Variants in KANK4 observed in about 807,000 individuals in gnomAD.
KANK4 encodes the protein KN motif and ankyrin repeat domains 4.
Under a neutral mutation model 80.8 loss-of-function variants are expected in KANK4, and 50 were observed. That is an observed-to-expected ratio of 0.62 (90% CI 0.49 to 0.78). The LOEUF (loss-of-function observed/expected upper bound fraction) is 0.78, where lower values mean the gene tolerates loss of function less well. Among genes scored for constraint, KANK4 ranks in the 30% least tolerant of loss-of-function variants. The probability of loss-of-function intolerance (pLI) is 0.00; values close to 1 mark genes in which losing one functional copy is unlikely to be tolerated. For synonymous variants in KANK4, 465 were observed against 506.9 expected (o/e 0.92, Z 1.11); for missense variants, 1,196 against 1,240.1 (o/e 0.96, Z 0.53).
intron 2 of KANK4, among the ~76,000 whole-genome samples, chr1:62,279,202 A>G (rs1354206302): frequency 0.028 from 791 of 28,608 alleles, 7 homozygotes; most frequent in African/African-American, 0.066. Flanking sequence ...GCGCGCGCAC[A>G]CACACACACA....
chr1:62,317,745 AGCACTGGAGAATTCTCTATTTATGTG>A (rs1293806556), intron 1 of KANK4, among the ~76,000 whole-genome samples: 1 of 152,210 alleles, frequency 6.6e-6, no homozygotes, highest in Non-Finnish European at 1.5e-5. Flanking sequence ...CAAAGAACTC[AGCACTGGAGAATTCTCTATTTATGTG>A]AGTGATTTAA....
chr1:62,313,299 T>C (rs1474039344), intron 1 of KANK4, among the ~76,000 whole-genome samples: 1 of 152,150 alleles, frequency 6.6e-6, no homozygotes, highest in East Asian at 1.9e-4. Flanking sequence ...GAGGTACTAC[T>C]GTACTGCATT....
intron 1 of KANK4, among the ~76,000 whole-genome samples, chr1:62,286,525 C>T (rs1201993081): frequency 6.6e-6 from 1 of 152,186 alleles, no homozygotes; most frequent in Non-Finnish European, 1.5e-5. Flanking sequence ...CCATCGCTTC[C>T]GAGGAACACA....
At chr1:62,305,495 G>A (rs1214435778) in intron 1 of KANK4, among the ~76,000 whole-genome samples, 1 of 152,088 alleles carries the variant, frequency 6.6e-6, no homozygotes, top group Non-Finnish European at 1.5e-5. Context: ...ATTTTTAGTA[G>A]AGATGGGGTT....
chr1:62,242,838 T>C (rs935246640), intron 9 of KANK4, among the ~76,000 whole-genome samples: 13 of 152,192 alleles, frequency 8.5e-5, no homozygotes, highest in African/African-American at 2.4e-4. Flanking sequence ...AGGGCCAGAC[T>C]TTCCCTCTAA....
chr1:62,284,677 A>G (rs1672523368), intron 1 of KANK4, among the ~76,000 whole-genome samples: 1 of 152,112 alleles, frequency 6.6e-6, no homozygotes, highest in Non-Finnish European at 1.5e-5. Context: ...GAACCTTTAA[A>G]TACCTGGTGT....
intron 2 of KANK4, 94 bp downstream of exon 2, chr1:62,281,455 G>A: frequency 6.9e-7 from 1 of 1,455,436 alleles, no homozygotes; most frequent in Non-Finnish European, 9.7e-7. Context: ...TCTCCTGCAG[G>A]CCTTTCCTAG....
intron 1 of KANK4, among the ~76,000 whole-genome samples, chr1:62,290,591 C>A (rs1672658776): frequency 6.6e-6 from 1 of 152,176 alleles, no homozygotes; most frequent in African/African-American, 2.4e-5. Flanking sequence ...TTAAAACCCA[C>A]AATGTGAAGC....
chr1:62,273,502 C>T lies in KANK4; in HGVS notation c.1602G>A (p.Gly534=). 1 of 1,613,936 alleles carries T rather than the reference C, an allele frequency of 6.2e-7. No homozygotes were observed. Among genetic ancestry groups the T allele is most frequent in the Non-Finnish European group, 8.5e-7 (1 of 1,179,872 alleles). The change falls in exon 3 of 10, where the codon GGG becomes GGA. Residue 534 remains glycine (G), a synonymous_variant. Transcript: ENST00000371153. ...WGSDRKTPPA[G]REETSSNLPG... is the part of the protein sequence containing the mutation. The stretch of plus-strand genomic sequence containing the variant: ...GGAGATTGGAACTGGTCTCCTCCCT[C>T]CCTGCTGGGGGAGTCTTTCTGTCGC...
intron 1 of KANK4, among the ~76,000 whole-genome samples, chr1:62,310,679 C>T (rs1000308234): frequency 1.3e-5 from 2 of 152,122 alleles, no homozygotes; most frequent in East Asian, 1.9e-4. Context: ...GAGCCAGGTA[C>T]TATGATGAGT....
rs1299065391 is a variant in KANK4 at position 62,271,584 on chromosome 1, A to G, written c.1906T>C (p.Ser636Pro). ...ASSSSPPVEISPSTSLKSIMK... is the reference protein window; with the variant it reads ...ASSSSPPVEIPPSTSLKSIMK... ...ATGGATTTAAGGCTGGTCGATGGGG[A>G]GATCTCTAGGCAGACACAACATCAC... The change falls in exon 4 of 10, where the codon TCC becomes CCC. Residue 636 changes from serine (S) to proline (P), a missense_variant. By Grantham distance (74) the Ser-to-Pro change is moderately conservative (BLOSUM62 -1). Coordinates refer to ENST00000371153, the MANE Select transcript of KANK4 (RefSeq NM_181712.5). 6.2e-7 allele frequency: 1 copy of G among 1,609,602 alleles called. No individual in the cohort carries two copies. The highest frequency in any genetic ancestry group is 1.1e-5 in the South Asian group (1 of 90,976).
chr1:62,275,320 A>T (rs377016100), intron 2 of KANK4, among the ~76,000 whole-genome samples: 2 of 152,256 alleles, frequency 1.3e-5, no homozygotes, highest in East Asian at 3.9e-4. Context: ...GGGAGAGGGA[A>T]TGGTTTCCAA....
chr1:62,293,062 T>TTG (rs5774593), intron 1 of KANK4, among the ~76,000 whole-genome samples: 4,047 of 146,650 alleles, frequency 0.028, 81 homozygotes, highest in Middle Eastern at 0.042. Flanking sequence ...GTCTCAATCT[T>TTG]TGTGTGTGTG....
At position 62,273,488 on chromosome 1, in the gene KANK4, C is replaced by T; in HGVS notation, c.1616G>A (p.Ser539Asn). ...GTGCTCCTTCCCTGGGAGATTGGAA[C>T]TGGTCTCCTCCCTCCCTGCTGGGGG... ...KTPPAGREET[S>N]SNLPGKEHPG... Residue 539 changes from serine to asparagine, a missense_variant, in exon 3 of 10, where the codon AGT becomes AAT. Coordinates refer to ENST00000371153, the MANE Select transcript of KANK4 (RefSeq NM_181712.5). The T allele has an allele frequency of 1.2e-6, 2 of 1,614,032 alleles. No homozygotes were observed. The highest frequency in any genetic ancestry group is 1.7e-6 in the Non-Finnish European group (2 of 1,179,956).
At chr1:62,289,375 G>A (rs1296078758) in intron 1 of KANK4, among the ~76,000 whole-genome samples, 2 of 152,174 alleles carry the variant, frequency 1.3e-5, no homozygotes, top group Non-Finnish European at 2.9e-5. Flanking sequence ...TGGTACAGCA[G>A]ACTCTCTTAT....
intron 6 of KANK4, among the ~76,000 whole-genome samples, chr1:62,264,875 A>G (rs1335512583): frequency 2.0e-5 from 3 of 152,210 alleles, no homozygotes; most frequent in African/African-American, 7.2e-5. Flanking sequence ...TCTGTGGCCC[A>G]GGCTGGAGTG....
chr1:62,273,268 C>G lies in KANK4; in HGVS notation c.1836G>C (p.Ser612=). The G allele has an allele frequency of 6.4e-7, 1 of 1,559,466 alleles. No individual in the cohort carries two copies. Among genetic ancestry groups the G allele is most frequent in the South Asian group, 1.2e-5 (1 of 83,272 alleles). ...GTGGGTGAGCCTGGGCCGAGTAGGC[C>G]GACAGCAGCAGGTTGAGGGAGCTCA... ...QLLSSLNLLL[S]AYSAQAHPPK... The change falls in exon 3 of 10, where the codon TCG becomes TCC. Residue 612 remains serine (S), a synonymous_variant. Coordinates refer to ENST00000371153, the MANE Select transcript of KANK4 (RefSeq NM_181712.5).
At chr1:62,312,413 T>C (rs908510135) in intron 1 of KANK4, among the ~76,000 whole-genome samples, 1 of 152,178 alleles carries the variant, frequency 6.6e-6, no homozygotes, top group African/African-American at 2.4e-5. Context: ...CTATCCAAGT[T>C]TACAGACTCC....
intron 7 of KANK4, among the ~76,000 whole-genome samples, chr1:62,262,741 T>C (rs1177102078): frequency 1.3e-5 from 2 of 152,152 alleles, no homozygotes; most frequent in African/African-American, 4.8e-5. Flanking sequence ...AGGCCATTAT[T>C]CTAAGTGAAG....
Sources: allele counts gnomAD v4.1 joint callset (sites outside exome capture counted in the v4.1 genomes callset), GRCh38; gene constraint gnomAD v4.1.1; transcripts MANE v1.5; gene names NCBI Gene and HGNC (gene_info 2026-07-23, HGNC 2026-07-21).